The following TMEM132E variants were observed in gnomAD, a reference collection of about 807,000 sequenced individuals.
TMEM132E encodes transmembrane protein 132E.
TMEM132E carries 49 observed loss-of-function variants against 78.5 expected under a neutral mutation model. That is an observed-to-expected ratio of 0.62 (90% CI 0.50 to 0.79). The LOEUF is 0.79. Among genes scored for constraint, TMEM132E ranks in the 30% least tolerant of loss-of-function variants. The pLI is 0.00. For missense variants in TMEM132E, 1,403 were observed against 1,470.9 expected, an observed-to-expected ratio of 0.95 and a Z score of 0.75; for synonymous variants, 715 against 670.6, an observed-to-expected ratio of 1.07 and a Z score of -1.02.
Position 34,580,819 on chromosome 17 carries a change from C to A in TMEM132E, c.-258C>A. 1 of 437,988 alleles carries A rather than the reference C, an allele frequency of 2.3e-6. No individual in the cohort carries two copies. Among genetic ancestry groups the A allele is most frequent in the South Asian group, 4.0e-5 (1 of 24,834 alleles). The allele number at this position is 437,988 out of a possible 1,614,324, so 27.1% of individuals were successfully genotyped here. A position where few individuals can be genotyped will look rare whatever the true frequency, so the allele number is the denominator to read the frequency against. ...CTCCCCCCGCGCCTCGCAGATCCTG[C>A]AGGGGGCACCAGCTGGGGGAGGTGG... On this transcript the variant is annotated 5_prime_UTR_variant, in exon 1 of 9. Transcript: ENST00000631683.
intron 1 of TMEM132E, among the ~76,000 whole-genome samples, chr17:34,608,856 G>A (rs1026689772): frequency 3.9e-5 from 6 of 152,232 alleles, no homozygotes; most frequent in South Asian, 2.1e-4. Flanking sequence ...CGAATACCCC[G>A]TCTGATTATT....
chr17:34,623,401 T>TCCCCCC (rs5820092), intron 1 of TMEM132E, among the ~76,000 whole-genome samples: 1 of 144,906 alleles, frequency 6.9e-6, no homozygotes, highest in African/African-American at 2.6e-5. Context: ...TAGTACCCGC[T>TCCCCCC]CCCCCCCCCC....
intron 1 of TMEM132E, among the ~76,000 whole-genome samples, chr17:34,600,900 C>T (rs1906219168): frequency 6.6e-6 from 1 of 152,202 alleles, no homozygotes; most frequent in South Asian, 2.1e-4. Context: ...CAGGAGGTCA[C>T]TGGCAGCCTC....
At position 34,626,447 on chromosome 17, in the gene TMEM132E, A is replaced by T. The variant is rs984483614; in HGVS notation, c.388A>T (p.Ile130Phe). The T allele has an allele frequency of 6.2e-7, 1 of 1,613,142 alleles. No homozygotes were observed. The highest frequency in any genetic ancestry group is 8.5e-7 in the Non-Finnish European group (1 of 1,179,806). ...GGTGAACTGGAAGGTGCGGGCCTTCATCGTCCGCTCGCACGTGCCCGCCTC... is the reference window on the plus strand; with the variant it reads ...GGTGAACTGGAAGGTGCGGGCCTTCTTCGTCCGCTCGCACGTGCCCGCCTC... The part of the protein sequence containing the change: ...LTVNWKVRAF[I>F]VRSHVPASQP... The change falls in exon 2 of 9, where the codon ATC becomes TTC. Residue 130 changes from isoleucine (I) to phenylalanine (F), a missense_variant. Coordinates refer to ENST00000631683, the MANE Select transcript of TMEM132E (RefSeq NM_001304438.2).
chr17:34,598,315 G>A (rs966267511), intron 1 of TMEM132E, among the ~76,000 whole-genome samples: 2 of 152,074 alleles, frequency 1.3e-5, no homozygotes, highest in African/African-American at 4.8e-5. Flanking sequence ...AGCCCATCAG[G>A]TGATGGGACA....
At chr17:34,632,109 C>A (rs1472667710) in intron 5 of TMEM132E, among the ~76,000 whole-genome samples, 1 of 152,172 alleles carries the variant, frequency 6.6e-6, no homozygotes, top group Non-Finnish European at 1.5e-5. Context: ...GTTCTAAGGT[C>A]CTGAGTTTTC....
intron 1 of TMEM132E, among the ~76,000 whole-genome samples, chr17:34,586,303 T>TG (rs1567709996): frequency 1.5e-4 from 21 of 143,710 alleles, no homozygotes; most frequent in African/African-American, 5.0e-4. Context: ...GTGTGTGTGT[T>TG]TTTAGGAACA....
chr17:34,580,866 G>A lies in TMEM132E; in HGVS notation c.-211G>A. On this transcript the variant is annotated 5_prime_UTR_variant, in exon 1 of 9. Transcript: ENST00000631683. ...GTGGAGGCTCCTCCCGCCCGGAGCT[G>A]CGCCCCCACCGGCTCCGAGGGTGTA... is the stretch of plus-strand genomic sequence containing the variant. 2.2e-6 allele frequency: 1 copy of A among 464,856 alleles called. No homozygotes were observed. Among genetic ancestry groups the A allele is most frequent in the South Asian group, 3.6e-5 (1 of 27,564 alleles). The allele number at this position is 464,856 out of a possible 1,614,324, so 28.8% of individuals were successfully genotyped here.
At chr17:34,585,249 G>A (rs1187909065) in intron 1 of TMEM132E, among the ~76,000 whole-genome samples, 7 of 152,246 alleles carry the variant, frequency 4.6e-5, no homozygotes, top group African/African-American at 1.7e-4. Flanking sequence ...TTCGCTGTGG[G>A]AGATAAGGCC....
intron 1 of TMEM132E, among the ~76,000 whole-genome samples, chr17:34,588,805 G>A (rs957691258): frequency 3.9e-5 from 6 of 152,206 alleles, no homozygotes; most frequent in Non-Finnish European, 5.9e-5. Flanking sequence ...CCAGGCTGGA[G>A]TGCAGTGGTG....
chr17:34,628,908 G>T, intron 3 of TMEM132E, 104 bp from the exon 4 acceptor site: 2 of 1,432,422 alleles, frequency 1.4e-6, no homozygotes, highest in Non-Finnish European at 1.9e-6. Context: ...GGCCCCATCA[G>T]GCAGCTGCCG....
At chr17:34,624,722 G>T (rs186466672) in intron 1 of TMEM132E, among the ~76,000 whole-genome samples, 1 of 152,176 alleles carries the variant, frequency 6.6e-6, no homozygotes, top group East Asian at 1.9e-4. Flanking sequence ...GACGCCTTGT[G>T]TAGGGGGCCC....
In TMEM132E at chr17:34,638,269, A is replaced by ACAG; in HGVS notation, c.*38_*39insAGC. 2 of 1,409,302 alleles carry ACAG rather than the reference A, an allele frequency of 1.4e-6. No individual in the cohort carries two copies. The highest frequency in any genetic ancestry group is 5.1e-5 in the East Asian group (2 of 39,488). 87.3% of individuals were successfully genotyped at this position (1,409,302 alleles called of 1,614,324 possible). On this transcript the variant is annotated 3_prime_UTR_variant, in exon 9 of 9. Coordinates refer to ENST00000631683, the MANE Select transcript of TMEM132E (RefSeq NM_001304438.2). ...GGAGTAGCAGGGACCCCCCCCCCCA[A>ACAG]CGGGGTCAGCTCGGGGTAGGACACA...
intron 7 of TMEM132E, 49 bp from the exon 8 acceptor site, chr17:34,635,958 G>A (rs1430609938): frequency 1.5e-6 from 2 of 1,338,840 alleles, no homozygotes; most frequent in Non-Finnish European, 1.9e-6. Context: ...CTTGGGCAGG[G>A]GGGTGTGCTT....
At chr17:34,631,151 G>C (rs1040347072) in intron 5 of TMEM132E, among the ~76,000 whole-genome samples, 6 of 152,226 alleles carry the variant, frequency 3.9e-5, no homozygotes, top group Non-Finnish European at 7.3e-5. Context: ...TCTCCTCCTT[G>C]TCACTTGGGC....
intron 2 of TMEM132E, 93 bp from the exon 3 acceptor site, chr17:34,628,470 C>A: frequency 7.0e-7 from 1 of 1,434,404 alleles, no homozygotes; most frequent in Non-Finnish European, 9.3e-7. Flanking sequence ...TCTGTTCCCC[C>A]TCCCCCCAGT....
Position 34,634,964 on chromosome 17 carries a change from G to A in TMEM132E, c.1854G>A (p.Pro618=), listed in dbSNP as rs1378594317. The change falls in exon 7 of 9, where the codon CCG becomes CCA. Residue 618 remains proline, a synonymous_variant. Transcript: ENST00000631683. ...ACCAGGTGGTCACCATGTTAGGCCC[G>A]GACTGGCTGGTGGAGGTCACCGACC... ...GTDQVVTMLG[P]DWLVEVTDLV... 13 of 1,614,040 alleles carry A rather than the reference G, an allele frequency of 8.1e-6. No homozygotes were observed. Among genetic ancestry groups the A allele is most frequent in the African/African-American group, 4.0e-5 (3 of 74,930 alleles).
rs531671569 is a variant in TMEM132E, at chr17:34,583,929, C to T, written c.67+2786C>T. ...TGTTTGGGCACCTCTACACTGTTCC[C>T]AGTCTCCAGCCCTCTTCCAGGGAAC... On this transcript the variant is annotated intron_variant, in intron 1 of 8. Coordinates refer to ENST00000631683, the MANE Select transcript of TMEM132E (RefSeq NM_001304438.2). Among the ~76,000 whole-genome samples the T allele has an allele frequency of 5.3e-5, 8 of 152,356 alleles. No individual in the cohort carries two copies. In the East Asian group the frequency reaches 1.3e-3, roughly 26 times the overall value.
chr17:34,628,709 G>A lies in TMEM132E; in HGVS notation c.1145G>A (p.Arg382Lys). The A allele has an allele frequency of 1.3e-6, 2 of 1,589,736 alleles. No homozygotes were observed. Among genetic ancestry groups the A allele is most frequent in the South Asian group, 1.1e-5 (1 of 88,686 alleles). The stretch of plus-strand genomic sequence containing the variant: ...GCTCAGAGCACACCCCTGCCCCCCA[G>A]GTGAGCCCGAGGTGGTGCATCTACC... ...AWAQSTPLPP[R>K]EGQGPLEILQ... Residue 382 changes from arginine (R) to lysine (K), a missense_variant and splice_region_variant, in exon 3 of 9, where the codon AGG (arginine) becomes AAG (lysine). Around this residue, in one of 3 missense-constraint regions of TMEM132E, gnomAD observed 888 missense variants for 952.8 expected, o/e 0.93. Transcript: ENST00000631683.
Sources: gnomAD v4.1 joint callset for allele counts (sites outside exome capture counted in the v4.1 genomes callset) on GRCh38, gnomAD v4.1.1 for gene constraint, gnomAD v4.1.1 regional missense constraint, MANE v1.5 for transcripts, NCBI Gene and HGNC (gene_info 2026-07-23, HGNC 2026-07-21) for gene names.